The following TMPRSS2 variants were observed in gnomAD, a reference collection of about 807,000 sequenced individuals.
The protein encoded by TMPRSS2 is transmembrane serine protease 2, also known as transmembrane protease serine 2.
In TMPRSS2, 59 loss-of-function variants were observed where a neutral mutation model predicts 67.4. The observed-to-expected ratio is 0.88, with a 90% CI of 0.71 to 1.09. The LOEUF (loss-of-function observed/expected upper bound fraction) is 1.09, where lower values mean the gene tolerates loss of function less well. Among genes scored for constraint, TMPRSS2 ranks in the 50% least tolerant of loss-of-function variants. The pLI is 0.00. For synonymous variants in TMPRSS2, 257 were observed against 257.0 expected, an observed-to-expected ratio of 1.00 and a Z score of 0.00; for missense variants, 668 against 642.7, an observed-to-expected ratio of 1.04 and a Z score of -0.43.
chr21:41,482,987 G>A lies in TMPRSS2; in HGVS notation c.446-2385C>T, dbSNP rs554462605. The stretch of plus-strand genomic sequence containing the variant: ...CAGGTGCAGCAAAAGAGGTTTTAAG[G>A]CAGGAGAACTACTCTGGACGATACT... On this transcript the variant is annotated intron_variant, in intron 5 of 13. Transcript: ENST00000332149. 4.6e-5 allele frequency among the ~76,000 whole-genome samples: 7 copies of A among 152,298 alleles called. No individual in the cohort carries two copies. The East Asian group carries it at 5.8e-4, about 13-fold the overall frequency.
At chr21:41,491,151 A>ATTTTTT (rs35598191) in intron 3 of TMPRSS2, among the ~76,000 whole-genome samples, 3 of 106,592 alleles carry the variant, frequency 2.8e-5, no homozygotes, top group Non-Finnish European at 3.7e-5. Flanking sequence ...TCTGCATTGC[A>ATTTTTT]TTTTTTTTTT....
Position 41,470,647 on chromosome 21 carries a change from C to A in TMPRSS2, c.1171+1G>T. ...TCCTGTGTGCCCAGGAGCAGCCTCA[C>A]CTTTCTCCTCGGTGGCCCCCCACCC... On this transcript the variant is annotated splice_donor_variant, in intron 11 of 13. Transcript: ENST00000332149. LOFTEE classifies it high-confidence loss of function. The A allele has an allele frequency of 6.2e-7, 1 of 1,613,210 alleles. No homozygotes were observed. Among genetic ancestry groups the A allele is most frequent in the South Asian group, 1.1e-5 (1 of 91,038 alleles).
chr21:41,468,325 T>C lies in TMPRSS2; in HGVS notation c.1314+71A>G, dbSNP rs548354821. 1.9e-6 allele frequency: 3 copies of C among 1,574,000 alleles called. No individual in the cohort carries two copies. The East Asian group carries it at 6.8e-5, about 35-fold the overall frequency. ...GAGGAGGCTCTGCTGACCCCAAGAA[T>C]GCCCTCTCTCTCATGGGGGGTTCAG... On this transcript the variant is annotated intron_variant, in intron 12 of 13. Transcript: ENST00000332149.
chr21:41,492,389 C>G (rs1045683459), intron 3 of TMPRSS2, among the ~76,000 whole-genome samples: 1 of 152,160 alleles, frequency 6.6e-6, no homozygotes, highest in Non-Finnish European at 1.5e-5. Flanking sequence ...GCTGTGTGTT[C>G]GCTCCTACTC....
intron 1 of TMPRSS2, among the ~76,000 whole-genome samples, chr21:41,502,080 C>T (rs879908029): frequency 5.9e-5 from 9 of 152,210 alleles, no homozygotes; most frequent in Admixed American, 3.9e-4. Flanking sequence ...CAGCTGTCCT[C>T]GCACTGTTTT....
Position 41,471,848 on chromosome 21 carries a change from C to T in TMPRSS2, c.1033G>A (p.Asp345Asn). 6.2e-7 allele frequency: 1 copy of T among 1,613,016 alleles called. No homozygotes were observed. Among genetic ancestry groups the T allele is most frequent in the Non-Finnish European group, 8.5e-7 (1 of 1,179,344 alleles). ...TTCTGCAGCTTCATCAGCGCAATGT[C>T]ATTGTTCTTGGTCTTGGAGTCATAA... ...PNYDSKTKNN[D>N]IALMKLQKPL... Residue 345 changes from aspartate to asparagine, a missense_variant, in exon 10 of 14, where the codon GAC becomes AAC. Physicochemically the swap from Asp to Asn is conservative, Grantham distance 23. Transcript: ENST00000332149.
chr21:41,506,110 G>A (rs1196188450), intron 1 of TMPRSS2, among the ~76,000 whole-genome samples: 9 of 152,228 alleles, frequency 5.9e-5, no homozygotes, highest in Admixed American at 5.9e-4. Flanking sequence ...CAATTAAGGT[G>A]ACTTGAGTTC....
intron 5 of TMPRSS2, among the ~76,000 whole-genome samples, chr21:41,481,676 T>G (rs1406086724): frequency 1.3e-5 from 2 of 152,224 alleles, no homozygotes; most frequent in Non-Finnish European, 2.9e-5. Flanking sequence ...CTCAATAAGC[T>G]ATTTCATATA....
chr21:41,490,197 A>T (rs568267971), intron 3 of TMPRSS2, among the ~76,000 whole-genome samples: 1 of 151,324 alleles, frequency 6.6e-6, no homozygotes, highest in South Asian at 2.1e-4. Context: ...AAATAGGCAG[A>T]TGATTAATGT....
chr21:41,494,356 T>C lies in TMPRSS2; in HGVS notation c.238A>G (p.Lys80Glu), dbSNP rs779085411. The C allele has an allele frequency of 1.7e-5, 28 of 1,611,478 alleles. No homozygotes were observed. The South Asian group carries it at 1.9e-4, about 11-fold the overall frequency. The change falls in exon 3 of 14, where the codon AAG (lysine) becomes GAG (glutamate). Residue 80 changes from lysine to glutamate, a missense_variant and splice_region_variant. Lys to Glu is a moderately conservative substitution (Grantham distance 56). Coordinates refer to ENST00000332149, the MANE Select transcript of TMPRSS2 (RefSeq NM_005656.4). ...GAAATAAACACAAAGAGAATCCTAC[T>C]TGAGGTGCACACTGTCCCGGATGGG... ...KSPSGTVCTS[K>E]TKKALCITLT...
Position 41,488,481 on chromosome 21 carries a change from A to G in TMPRSS2, c.358T>C (p.Cys120Arg). 6.2e-7 allele frequency: 1 copy of G among 1,613,650 alleles called. No individual in the cohort carries two copies. The highest frequency in any genetic ancestry group is 1.3e-5 in the African/African-American group (1 of 74,980). ...GSKCSNSGIE[C>R]DSSGTCINPS... The stretch of plus-strand genomic sequence containing the variant: ...TTGATGCAGGTACCTGAGGAGTCGC[A>G]CTCTATCCCAGAGTTGGAGCACTTG... The change falls in exon 5 of 14, where the codon TGC becomes CGC. Residue 120 changes from cysteine (C) to arginine (R), a missense_variant. Cys to Arg is a radical substitution (Grantham distance 180). Transcript: ENST00000332149.
At position 41,502,660 on chromosome 21, in the gene TMPRSS2, A is replaced by G. The variant is rs2091431952; in HGVS notation, c.-56-4471T>C. 3.3e-6 allele frequency: 3 copies of G among 904,634 alleles called. No individual in the cohort carries two copies. The African/African-American group carries it at 5.4e-5, about 16-fold the overall frequency. 56.0% of individuals were successfully genotyped at this position (904,634 alleles called of 1,614,324 possible). On this transcript the variant is annotated intron_variant, in intron 1 of 13. Transcript: ENST00000332149. ...AATGCATGACTAAATGAGTTAGCCA[A>G]CAGTGGATTTCAGTGGCTGTTCAGC...
chr21:41,488,539 G>A, intron 4 of TMPRSS2, 26 bp from the exon 5 acceptor site: 3 of 1,597,404 alleles, frequency 1.9e-6, no homozygotes, highest in African/African-American at 2.7e-5. Context: ...GAAGAGAGGT[G>A]CCCTTCAGGC....
At chr21:41,489,443 G>A (rs2091320212) in intron 4 of TMPRSS2, 64 bp downstream of exon 4, 6 of 1,406,236 alleles carry the variant, frequency 4.3e-6, no homozygotes, top group Non-Finnish European at 6.0e-6. Context: ...CAGAGAGCAG[G>A]GTCTGGCTCA....
rs761962351 is a variant in TMPRSS2 at position 41,468,549 on chromosome 21, G to A, written c.1172-11C>T. The A allele has an allele frequency of 1.2e-6, 2 of 1,613,688 alleles. No homozygotes were observed. The highest frequency in any genetic ancestry group is 1.3e-5 in the African/African-American group (1 of 74,894). ...CTTCTGAGGTCTTCCCTAAGGACAG[G>A]GAGACTTGTTGAGCTCCCAGTGTTG... On this transcript the variant is annotated splice_polypyrimidine_tract_variant and intron_variant, in intron 11 of 13. Coordinates refer to ENST00000332149, the MANE Select transcript of TMPRSS2 (RefSeq NM_005656.4).
At chr21:41,505,721 G>T (rs578015897) in intron 1 of TMPRSS2, among the ~76,000 whole-genome samples, 1 of 152,326 alleles carries the variant, frequency 6.6e-6, no homozygotes, top group African/African-American at 2.4e-5. Flanking sequence ...CGGGCGCCTT[G>T]TTTCCAGCTT....
chr21:41,496,922 C>G (rs2091387605), intron 2 of TMPRSS2, among the ~76,000 whole-genome samples: 1 of 146,818 alleles, frequency 6.8e-6, no homozygotes, highest in African/African-American at 2.5e-5. Context: ...CTCACCGCAA[C>G]CTCTGCCTCC....
chr21:41,493,612 C>T (rs1420800923), intron 3 of TMPRSS2, among the ~76,000 whole-genome samples: 6 of 152,234 alleles, frequency 3.9e-5, no homozygotes, highest in Non-Finnish European at 7.3e-5. Context: ...AGATCTTTGG[C>T]GTAGCCACTG....
chr21:41,481,156 A>G (rs4290734), intron 5 of TMPRSS2, among the ~76,000 whole-genome samples: 52,693 of 152,154 alleles, frequency 0.35, 11,484 homozygotes, highest in Non-Finnish European at 0.5. Flanking sequence ...CCCTCTTAAA[A>G]CAGCTGAAAG....
Sources: gnomAD v4.1 joint callset for allele counts (sites outside exome capture counted in the v4.1 genomes callset) on GRCh38, gnomAD v4.1.1 for gene constraint, MANE v1.5 for transcripts, NCBI Gene and HGNC (gene_info 2026-07-23, HGNC 2026-07-21) for gene names.